LRRTM4: variants seen among roughly 807,000 people sequenced by gnomAD.
LRRTM4 encodes leucine rich repeat transmembrane neuronal 4.
Under a neutral mutation model 47.6 loss-of-function variants are expected in LRRTM4, and 25 were observed. The observed-to-expected ratio is 0.53, with a 90% CI of 0.38 to 0.73. The LOEUF (loss-of-function observed/expected upper bound fraction) is 0.73. Ranked by LOEUF, LRRTM4 falls within the 30% of genes least tolerant of loss-of-function variation. LRRTM4 has a pLI of 0.00. For synonymous variants in LRRTM4, 311 were observed against 269.5 expected, an observed-to-expected ratio of 1.15 and a Z score of -1.51; for missense variants, 638 against 713.4, an observed-to-expected ratio of 0.89 and a Z score of 1.20.
intron 3 of LRRTM4, among the ~76,000 whole-genome samples, chr2:76,771,931 C>A (rs1377884366): frequency 6.6e-6 from 1 of 152,032 alleles, no homozygotes; most frequent in African/African-American, 2.4e-5. Flanking sequence ...TTTCTCTTAT[C>A]AAAAAGAGAG....
intron 3 of LRRTM4, among the ~76,000 whole-genome samples, chr2:76,926,194 G>A (rs1176939767): frequency 6.6e-6 from 1 of 152,124 alleles, no homozygotes; most frequent in African/African-American, 2.4e-5. Context: ...TTGAGGAAAT[G>A]TGCAATGTGT....
chr2:77,083,783 C>CTTTTTTTTTTTTTT lies in LRRTM4; in HGVS notation c.1552-334881_1552-334868dup. On this transcript the variant is annotated intron_variant, in intron 3 of 3. Coordinates refer to ENST00000409884, the MANE Select transcript of LRRTM4 (RefSeq NM_001134745.3). ...ACTTCTCAATTTTTAACTGGACACACTTTTTTTTTTTTTTTTTTTTTTTTT... is the reference window on the plus strand; with the variant it reads ...ACTTCTCAATTTTTAACTGGACACACTTTTTTTTTTTTTTTTTTTTTTTTTTTTTTTTTTTTTTT... 1.8e-3 allele frequency among the ~76,000 whole-genome samples: 94 copies of CTTTTTTTTTTTTTT among 52,394 alleles called. 31 individuals carry two copies. The highest frequency in any genetic ancestry group is 2.6e-3 in the Non-Finnish European group (62 of 23,544). 34.4% of individuals were successfully genotyped at this position (52,394 alleles called of 152,430 possible).
intron 3 of LRRTM4, among the ~76,000 whole-genome samples, chr2:76,961,116 T>C (rs1675843802): frequency 6.6e-6 from 1 of 151,516 alleles, no homozygotes; most frequent in Non-Finnish European, 1.5e-5. Flanking sequence ...CAACGACAGG[T>C]TAAATCATTT....
chr2:76,826,441 A>G (rs75406491), intron 3 of LRRTM4, among the ~76,000 whole-genome samples: 11,742 of 151,620 alleles, frequency 0.077, 488 homozygotes, highest in Middle Eastern at 0.14. Flanking sequence ...AAAGCTTGAC[A>G]CTATTAAGGG....
chr2:76,977,268 A>G (rs1676453932), intron 3 of LRRTM4, among the ~76,000 whole-genome samples: 1 of 150,338 alleles, frequency 6.7e-6, no homozygotes, highest in Non-Finnish European at 1.5e-5. Context: ...ACTTCCCCCT[A>G]ATTTTTTTTT....
At chr2:77,446,727 A>G (rs1275539634) in intron 3 of LRRTM4, among the ~76,000 whole-genome samples, 4 of 152,064 alleles carry the variant, frequency 2.6e-5, no homozygotes, top group Non-Finnish European at 4.4e-5. Flanking sequence ...TGGATACTGT[A>G]AAATCATGAT....
chr2:77,075,914 C>CAAAAAAAAAAAAAAAAAAAAAA (rs61718845), intron 3 of LRRTM4, among the ~76,000 whole-genome samples: 1 of 36,854 alleles, frequency 2.7e-5, no homozygotes, highest in African/African-American at 8.7e-5. Flanking sequence ...GACTCCGTCT[C>CAAAAAAAAAAAAAAAAAAAAAA]AAAAAAAAAA....
intron 3 of LRRTM4, among the ~76,000 whole-genome samples, chr2:77,073,876 T>A (rs776001476): frequency 1.3e-5 from 2 of 152,080 alleles, no homozygotes; most frequent in Non-Finnish European, 2.9e-5. Context: ...TGGTGAAGCT[T>A]CTTGATTTTT....
chr2:76,806,025 TA>T (rs1675948426), intron 3 of LRRTM4, among the ~76,000 whole-genome samples: 1 of 152,164 alleles, frequency 6.6e-6, no homozygotes, highest in South Asian at 2.1e-4. Flanking sequence ...TGGGGGCCAG[TA>T]CTCAGCCTAT....
intron 3 of LRRTM4, among the ~76,000 whole-genome samples, chr2:76,820,643 G>T (rs1671027365): frequency 6.6e-6 from 1 of 151,562 alleles, no homozygotes; most frequent in South Asian, 2.1e-4. Context: ...AGTGGGTTTT[G>T]CCTATAGAGA....
At chr2:76,818,020 C>A (rs1343331300) in intron 3 of LRRTM4, among the ~76,000 whole-genome samples, 2 of 151,798 alleles carry the variant, frequency 1.3e-5, no homozygotes, top group Non-Finnish European at 2.9e-5. Context: ...AGTTCAAGTT[C>A]TTTAAAAAGT....
At chr2:77,187,003 T>A (rs1558624509) in intron 3 of LRRTM4, among the ~76,000 whole-genome samples, 1 of 152,130 alleles carries the variant, frequency 6.6e-6, no homozygotes, top group Non-Finnish European at 1.5e-5. Context: ...GGACATGGAT[T>A]TTTCCATTAT....
chr2:76,886,794 T>C (rs1320708049), intron 3 of LRRTM4, among the ~76,000 whole-genome samples: 1 of 151,948 alleles, frequency 6.6e-6, no homozygotes, highest in Non-Finnish European at 1.5e-5. Context: ...ACCTTTACAA[T>C]GCAACCAAGA....
chr2:76,918,462 C>T (rs1012732145), intron 3 of LRRTM4, among the ~76,000 whole-genome samples: 1 of 152,158 alleles, frequency 6.6e-6, no homozygotes, highest in African/African-American at 2.4e-5. Context: ...CATTAAGATA[C>T]ATTTGTCTAA....
intron 3 of LRRTM4, among the ~76,000 whole-genome samples, chr2:76,807,061 T>C (rs1457123002): frequency 6.6e-6 from 1 of 152,034 alleles, no homozygotes; most frequent in Non-Finnish European, 1.5e-5. Context: ...TGTGATCAAA[T>C]AAAATAGGCT....
chr2:77,033,380 C>T (rs1237597561), intron 3 of LRRTM4, among the ~76,000 whole-genome samples: 1 of 151,494 alleles, frequency 6.6e-6, no homozygotes, highest in East Asian at 1.9e-4. Context: ...AGACATTTTC[C>T]ATTAGTAGTA....
chr2:77,083,478 A>G lies in LRRTM4; in HGVS notation c.1552-334562T>C, dbSNP rs539897677. Among the ~76,000 whole-genome samples the G allele has an allele frequency of 2.0e-5, 3 of 152,300 alleles. No individual in the cohort carries two copies. The South Asian group carries it at 6.2e-4, about 32-fold the overall frequency. On this transcript the variant is annotated intron_variant, in intron 3 of 3. Transcript: ENST00000409884. ...CATATTTCACCAACCATTGATTTTAACAGTGGAAACCAGTAAGCTGACCAA... is the reference window on the plus strand; with the variant it reads ...CATATTTCACCAACCATTGATTTTAGCAGTGGAAACCAGTAAGCTGACCAA...
intron 3 of LRRTM4, among the ~76,000 whole-genome samples, chr2:77,091,688 A>C (rs1262717029): frequency 6.7e-6 from 1 of 149,268 alleles, no homozygotes; most frequent in African/African-American, 2.4e-5. Flanking sequence ...ACTTGGACTG[A>C]CCCTGACACC....
chr2:77,519,286 T>C lies in LRRTM4; in HGVS notation c.583A>G (p.Ser195Gly). Residue 195 changes from serine (S) to glycine (G), a missense_variant, in exon 3 of 4, where the codon AGC becomes GGC. Physicochemically the swap from Ser to Gly is moderately conservative, Grantham distance 56 (BLOSUM62 0). Transcript: ENST00000409884. This position sits in a 1 kb window ranked among gnomAD's most constrained non-coding sequence, Gnocchi z 4.6. ...CCAGCAAATGCATTTCGGGACAAGC[T>C]TCGAAGACGATTGTAACCCAAATCC... is the stretch of plus-strand genomic sequence containing the variant. Reference protein sequence around the residue: ...FLDLGYNRLRSLSRNAFAGLL... With the variant: ...FLDLGYNRLRGLSRNAFAGLL... 2 of 1,613,434 alleles carry C rather than the reference T, an allele frequency of 1.2e-6. No individual in the cohort carries two copies. The highest frequency in any genetic ancestry group is 1.7e-6 in the Non-Finnish European group (2 of 1,179,586).
Sources: allele counts gnomAD v4.1 joint callset (sites outside exome capture counted in the v4.1 genomes callset), GRCh38; gene constraint gnomAD v4.1.1; non-coding constraint Gnocchi (gnomAD v3.1); transcripts MANE v1.5; gene names NCBI Gene and HGNC (gene_info 2026-07-23, HGNC 2026-07-21).